Variants in PLEC observed in about 807,000 individuals in gnomAD.
PLEC encodes the protein hemidesmosomal protein 1.
PLEC carries 216 observed loss-of-function variants against 392.8 expected under a neutral mutation model. The ratio of observed to expected loss-of-function variants is 0.55; its 90% CI spans 0.49 to 0.62. The LOEUF is 0.62. Ranked by LOEUF, PLEC falls within the 20% of genes least tolerant of loss-of-function variation. The probability of loss-of-function intolerance (pLI) is 0.00; values close to 1 mark genes in which losing one functional copy is unlikely to be tolerated. For synonymous variants in PLEC, 3,621 were observed against 2,980.6 expected (o/e 1.21, Z -7.00); for missense variants, 6,863 against 6,563.4 (o/e 1.05, Z -1.58).
chr8:143,975,292 C>T, upstream of PLEC: 1 of 1,610,454 alleles, frequency 6.2e-7, no homozygotes, highest in South Asian at 1.1e-5. This position sits in a 1 kb window ranked among gnomAD's most constrained non-coding sequence, Gnocchi z 9.9. Flanking sequence ...GCAGTGTGTC[C>T]CCAGGGCTGG....
At chr8:143,933,389 C>T in intron 12 of PLEC, 38 bp from the exon 13 acceptor site, 1 of 1,602,976 alleles carries the variant, frequency 6.2e-7, no homozygotes, top group East Asian at 2.2e-5. Context: ...CACAGCTGAT[C>T]CCCCTCTGAC....
intron 1 of PLEC, among the ~76,000 whole-genome samples, chr8:143,960,886 C>CA (rs1230541518): frequency 6.6e-6 from 1 of 152,236 alleles, no homozygotes; most frequent in African/African-American, 2.4e-5. Flanking sequence ...CCTTTTAACA[C>CA]AAACGGTGAA....
rs531512480 is a variant in PLEC at position 143,932,252 on chromosome 8, G to T, written c.1978-18C>A. ...ATCAGCGCCTGGCACCAGAGCAAAG[G>T]GTCTCAGGGACGGCCGGCCACACCC... On this transcript the variant is annotated intron_variant, in intron 16 of 31. Coordinates refer to ENST00000345136, the MANE Select transcript of PLEC (RefSeq NM_201384.3). The T allele has an allele frequency of 1.2e-6, 2 of 1,611,556 alleles. No homozygotes were observed. Among genetic ancestry groups the T allele is most frequent in the Admixed American group, 1.7e-5 (1 of 59,984 alleles).
At chr8:143,933,911 A>C in intron 12 of PLEC, 87 bp downstream of exon 12, 2 of 1,156,346 alleles carry the variant, frequency 1.7e-6, no homozygotes, top group Non-Finnish European at 1.2e-6. Context: ...GCCCAGGGGG[A>C]CAGCCCCCTC....
chr8:143,965,788 T>C (rs953407525), intron 1 of PLEC, among the ~76,000 whole-genome samples: 3 of 152,156 alleles, frequency 2.0e-5, no homozygotes, highest in South Asian at 2.1e-4. Context: ...CCACTGATGA[T>C]GTGTGGCTGG....
Position 143,917,688 on chromosome 8 carries a change from C to T in PLEC, c.12133G>A (p.Ala4045Thr), listed in dbSNP as rs1821026014. 2 of 1,613,504 alleles carry T rather than the reference C, an allele frequency of 1.2e-6. No homozygotes were observed. Among genetic ancestry groups the T allele is most frequent in the Non-Finnish European group, 1.7e-6 (2 of 1,180,032 alleles). Residue 4045 changes from alanine to threonine, a missense_variant, in exon 32 of 32, where the codon GCC (alanine) becomes ACC (threonine). Physicochemically the swap from Ala to Thr is moderately conservative, Grantham distance 58. Coordinates refer to ENST00000345136, the MANE Select transcript of PLEC (RefSeq NM_201384.3). ...LKDHGIRLLE[A>T]QIATGGIIDP... ...ATGATGCCGCCCGTGGCGATCTGGG[C>T]CTCCAGCAGGCGGATGCCATGGTCC...
In PLEC at chr8:143,925,693, C is replaced by T; in HGVS notation, c.4236G>A (p.Gln1412=). The T allele has an allele frequency of 1.3e-6, 2 of 1,592,406 alleles. No individual in the cohort carries two copies. Among genetic ancestry groups the T allele is most frequent in the Non-Finnish European group, 1.7e-6 (2 of 1,176,710 alleles). ...VRREEAAVDA[Q]QQKRSIQEEL... ...CCTCCTGAATGCTGCGCTTCTGCTG[C>T]TGCGCGTCCACCGCCGCCTCCTCCC... Residue 1412 remains glutamine (Q), a synonymous_variant, in exon 31 of 32, where the codon CAG becomes CAA. Coordinates refer to ENST00000345136, the MANE Select transcript of PLEC (RefSeq NM_201384.3).
chr8:143,925,085 T>C lies in PLEC; in HGVS notation c.4844A>G (p.Gln1615Arg). The change falls in exon 31 of 32, where the codon CAG becomes CGG. Residue 1615 changes from glutamine (Q) to arginine (R), a missense_variant. Coordinates refer to ENST00000345136, the MANE Select transcript of PLEC (RefSeq NM_201384.3). ...QLREEAERRAQQQAEAERARE... is the reference protein window; with the variant it reads ...QLREEAERRARQQAEAERARE... ...CGCCCGCTCGGCCTCGGCCTGCTGC[T>C]GTGCCCGCCGCTCAGCCTCCTCCCG... 2 of 1,539,684 alleles carry C rather than the reference T, an allele frequency of 1.3e-6. No individual in the cohort carries two copies. The highest frequency in any genetic ancestry group is 1.7e-6 in the Non-Finnish European group (2 of 1,149,476).
At position 143,922,774 on chromosome 8, in the gene PLEC, G is replaced by A. The variant is rs782581449; in HGVS notation, c.7155C>T (p.Leu2385=). Residue 2385 remains leucine, a synonymous_variant, in exon 31 of 32, where the codon CTC becomes CTT. Transcript: ENST00000345136. ...GGCTCATCTCGGCCACACGCAGCTT[G>A]AGGCGCTCAGCCTCAGCGCTCATCT... ...QLEMSAEAER[L]KLRVAEMSRA... 3 of 1,604,576 alleles carry A rather than the reference G, an allele frequency of 1.9e-6. No homozygotes were observed. Among genetic ancestry groups the A allele is most frequent in the Non-Finnish European group, 2.5e-6 (3 of 1,177,906 alleles).
At chr8:143,926,699 C>T (rs781823821) in intron 30 of PLEC, 85 bp downstream of exon 30, 1 of 1,161,314 alleles carries the variant, frequency 8.6e-7, no homozygotes, top group Non-Finnish European at 1.3e-6. Flanking sequence ...GAGAGGTGGC[C>T]TCAGGCAGCT....
Position 143,920,580 on chromosome 8 carries a change from C to A in PLEC, c.9241G>T (p.Ala3081Ser), listed in dbSNP as rs782803695. Residue 3081 changes from alanine (A) to serine (S), a missense_variant, in exon 32 of 32, where the codon GCA becomes TCA. Physicochemically the swap from Ala to Ser is moderately conservative, Grantham distance 99. Transcript: ENST00000345136. ...ATSARLTVDE[A>S]VRAGLVGPEF... ...GGGCCCACCAGGCCAGCACGCACTG[C>A]CTCGTCCACGGTCAGCCGGGCGCTG... 1 of 1,610,826 alleles carries A rather than the reference C, an allele frequency of 6.2e-7. No individual in the cohort carries two copies. The highest frequency in any genetic ancestry group is 8.5e-7 in the Non-Finnish European group (1 of 1,179,872).
chr8:143,943,942 G>T, upstream of PLEC: 1 of 1,589,296 alleles, frequency 6.3e-7, no homozygotes, highest in Non-Finnish European at 8.5e-7. Flanking sequence ...GGAACCGGCT[G>T]CTCCAGGCTA....
At chr8:143,955,739 A>G (rs1832553392), upstream of PLEC, among the ~76,000 whole-genome samples, 1 of 151,254 alleles carries the variant, frequency 6.6e-6, no homozygotes, top group African/African-American at 2.4e-5. Flanking sequence ...AGTTGGGACT[A>G]CAGGCGTGCA....
chr8:143,949,023 G>C (rs1831821261), intron 1 of PLEC, among the ~76,000 whole-genome samples: 1 of 152,208 alleles, frequency 6.6e-6, no homozygotes, highest in African/African-American at 2.4e-5. Context: ...GCCGCAGAGA[G>C]AGCCAGGAGG....
upstream of PLEC, among the ~76,000 whole-genome samples, chr8:143,957,818 GCCCCTAAC>G (rs1282762100): frequency 8.9e-5 from 3 of 33,590 alleles, no homozygotes; most frequent in African/African-American, 3.2e-4. Flanking sequence ...CACCCACCCA[GCCCCTAAC>G]CCCCTGGCAG....
At chr8:143,922,477 G>A (rs370552487) in intron 31 of PLEC, 27 bp downstream of exon 31, 18 of 1,602,360 alleles carry the variant, frequency 1.1e-5, no homozygotes, top group Middle Eastern at 1.6e-4. Flanking sequence ...GGGCCCACCC[G>A]CCCGTCGCAC....
chr8:143,945,273 C>T, intron 1 of PLEC: 1 of 482,148 alleles, frequency 2.1e-6, no homozygotes, highest in Non-Finnish European at 4.2e-6. Context: ...CACAGCACAG[C>T]CTCTCCTGGG....
At chr8:143,929,605 C>T in intron 23 of PLEC, 34 bp from the exon 24 acceptor site, 2 of 1,611,116 alleles carry the variant, frequency 1.2e-6, no homozygotes, top group South Asian at 1.1e-5. Flanking sequence ...CCACCGCCCA[C>T]CTCGCACCAG....
chr8:143,927,806 C>G, intron 26 of PLEC, 40 bp from the exon 27 acceptor site: 1 of 1,579,920 alleles, frequency 6.3e-7, no homozygotes, highest in Non-Finnish European at 8.6e-7. Context: ...TTCAGCTGGG[C>G]CCGCTGTACC....
Sources: gnomAD v4.1 joint callset for allele counts (sites outside exome capture counted in the v4.1 genomes callset) on GRCh38, gnomAD v4.1.1 for gene constraint, Gnocchi (gnomAD v3.1) non-coding constraint, MANE v1.5 for transcripts, NCBI Gene and HGNC (gene_info 2026-07-23, HGNC 2026-07-21) for gene names.